Variants in PCDH11X observed in about 807,000 individuals in gnomAD.
PCDH11X encodes protocadherin-11 X-linked.
PCDH11X carries 18 observed loss-of-function variants against 53.3 expected under a neutral mutation model. That is an observed-to-expected ratio of 0.34 (90% confidence interval 0.23 to 0.50). PCDH11X has a LOEUF of 0.50. PCDH11X is among the 20% of genes least tolerant of loss of function. The pLI, the probability that PCDH11X is intolerant of heterozygous loss-of-function variation, is 0.98. For missense variants in PCDH11X, 570 were observed against 1,032.4 expected, an observed-to-expected ratio of 0.55 and a Z score of 6.14; for synonymous variants, 279 against 393.3, an observed-to-expected ratio of 0.71 and a Z score of 3.44.
At chrX:92,226,758 G>C (rs1432778914) in intron 7 of PCDH11X, among the ~76,000 whole-genome samples, 1 of 110,535 alleles carries the variant, frequency 9.0e-6, no homozygotes, top group Non-Finnish European at 1.9e-5. Context: ...GAGAACACCA[G>C]AGAGAGACAT....
chrX:91,886,322 G>C (rs1486149361), intron 6 of PCDH11X, among the ~76,000 whole-genome samples: 1 of 111,148 alleles, frequency 9.0e-6, no homozygotes, highest in African/African-American at 3.3e-5. Flanking sequence ...CTTAAAACTA[G>C]TAAATAAAAG....
chrX:92,281,364 C>G (rs2068248265), intron 8 of PCDH11X, among the ~76,000 whole-genome samples: 1 of 111,813 alleles, frequency 8.9e-6, no homozygotes, highest in African/African-American at 3.2e-5. Context: ...TCTATTTCTA[C>G]CTGACTTTAA....
chrX:92,328,394 CAGG>C (rs1268129041), intron 8 of PCDH11X, among the ~76,000 whole-genome samples: 2 of 109,613 alleles, frequency 1.8e-5, no homozygotes, highest in Non-Finnish European at 3.8e-5. Context: ...AGTGAGAAAC[CAGG>C]AGAAGAGCAA....
At position 91,861,647 on chromosome X, in the gene PCDH11X, G is replaced by A. The variant is rs181427115; in HGVS notation, c.541-15134G>A. Among the ~76,000 whole-genome samples, 15 of 111,735 alleles carry A rather than the reference G, an allele frequency of 1.3e-4. No homozygotes were observed. The East Asian group carries it at 4.2e-3, about 32-fold the overall frequency. On this transcript the variant is annotated intron_variant, in intron 5 of 10. Coordinates refer to ENST00000682573, the MANE Select transcript of PCDH11X (RefSeq NM_032968.5). Reference sequence around the variant, plus strand: ...GTCTCCAGCCTGCTACCTACCGCTGGGTCCAACCCAAACGGCTGCTGAGAT... The same window carrying A: ...GTCTCCAGCCTGCTACCTACCGCTGAGTCCAACCCAAACGGCTGCTGAGAT...
At chrX:92,373,891 C>T (rs2070682395) in intron 8 of PCDH11X, among the ~76,000 whole-genome samples, 1 of 111,321 alleles carries the variant, frequency 9.0e-6, no homozygotes, top group Non-Finnish European at 1.9e-5. Flanking sequence ...TACTTTCATT[C>T]ATCTAAATGA....
intron 10 of PCDH11X, among the ~76,000 whole-genome samples, chrX:92,473,505 C>T (rs1332162458): frequency 9.0e-6 from 1 of 110,764 alleles, no homozygotes; most frequent in East Asian, 2.8e-4. Flanking sequence ...TTTGTTTGCT[C>T]TTGCTTTTCC....
intron 4 of PCDH11X, among the ~76,000 whole-genome samples, chrX:91,824,523 C>A (rs1936830938): frequency 9.1e-6 from 1 of 110,473 alleles, no homozygotes; most frequent in African/African-American, 3.3e-5. Flanking sequence ...TTTTCAGCTC[C>A]ATCAGCTCCT....
chrX:91,957,540 G>A lies in PCDH11X; in HGVS notation c.3033+78267G>A, dbSNP rs894673892. Among the ~76,000 whole-genome samples, 56 of 105,031 alleles carry A rather than the reference G, an allele frequency of 5.3e-4. 1 individual carries two copies. Among genetic ancestry groups the A allele is most frequent in the Non-Finnish European group, 1.0e-3 (51 of 51,079 alleles). The allele number at this position is 105,031 out of a possible 115,157, so 91.2% of individuals were successfully genotyped here. ...CTGTATGGCTGCTGCAATTTGCTGG[G>A]GGTCTGCTTTAGACCCTAGTTGCCT... On this transcript the variant is annotated intron_variant, in intron 6 of 10. Transcript: ENST00000682573.
intron 6 of PCDH11X, among the ~76,000 whole-genome samples, chrX:92,179,695 A>G (rs976521230): frequency 2.7e-5 from 3 of 112,279 alleles, no homozygotes; most frequent in Non-Finnish European, 5.6e-5. Context: ...TTCCATGCTT[A>G]TATCATAGAG....
intron 7 of PCDH11X, among the ~76,000 whole-genome samples, chrX:92,213,710 T>C (rs1385919969): frequency 9.0e-6 from 1 of 111,606 alleles, no homozygotes; most frequent in Non-Finnish European, 1.9e-5. Context: ...GCACGACAGA[T>C]GGGAACCATT....
intron 8 of PCDH11X, among the ~76,000 whole-genome samples, chrX:92,350,649 A>G (rs1370496511): frequency 1.8e-5 from 2 of 111,419 alleles, no homozygotes; most frequent in African/African-American, 3.3e-5. Flanking sequence ...CAGGATGTCT[A>G]TGGATTCTCT....
intron 6 of PCDH11X, among the ~76,000 whole-genome samples, chrX:91,995,814 C>T (rs1602640871): frequency 9.1e-6 from 1 of 109,835 alleles, no homozygotes; most frequent in East Asian, 2.8e-4. Context: ...CCAATCTAAG[C>T]ACATGGGGTA....
At chrX:92,232,898 G>A (rs1270569227) in intron 7 of PCDH11X, among the ~76,000 whole-genome samples, 6 of 110,724 alleles carry the variant, frequency 5.4e-5, no homozygotes, top group Non-Finnish European at 1.1e-4. Context: ...TGTATTTTTA[G>A]TAGAGATGGG....
intron 8 of PCDH11X, among the ~76,000 whole-genome samples, chrX:92,274,316 A>G (rs1173873905): frequency 2.8e-5 from 3 of 107,865 alleles, no homozygotes; most frequent in Non-Finnish European, 5.7e-5. Flanking sequence ...TTGTAGACGG[A>G]GGACGGTAAG....
intron 10 of PCDH11X, among the ~76,000 whole-genome samples, chrX:92,544,919 C>A (rs1255217408): frequency 1.8e-5 from 2 of 111,398 alleles, no homozygotes; most frequent in Admixed American, 9.6e-5. Context: ...ATTGATATAT[C>A]CAGATTCAAG....
chrX:91,885,522 T>C (rs1417962098), intron 6 of PCDH11X, among the ~76,000 whole-genome samples: 2 of 108,699 alleles, frequency 1.8e-5, no homozygotes, highest in Non-Finnish European at 3.8e-5. Flanking sequence ...TCATGATCAT[T>C]TGTGTATGTA....
chrX:92,321,194 G>GTTTT (rs1413774808), intron 8 of PCDH11X, among the ~76,000 whole-genome samples: 1 of 76,989 alleles, frequency 1.3e-5, no homozygotes, highest in Admixed American at 2.0e-4. Flanking sequence ...GTTTTTTTTT[G>GTTTT]TTTTTTTTTT....
intron 6 of PCDH11X, among the ~76,000 whole-genome samples, chrX:92,122,916 G>A (rs2064797212): frequency 9.0e-6 from 1 of 110,905 alleles, no homozygotes; most frequent in Non-Finnish European, 1.9e-5. Context: ...CAGCCTGAGC[G>A]ACAGAGCGAC....
chrX:92,438,031 A>C (rs1179953540), intron 9 of PCDH11X, among the ~76,000 whole-genome samples: 2 of 111,764 alleles, frequency 1.8e-5, no homozygotes, highest in Non-Finnish European at 3.8e-5. Context: ...TTTGAACTTA[A>C]TCTGATAGGT....
Sources: gnomAD v4.1 joint callset for allele counts (sites outside exome capture counted in the v4.1 genomes callset) on GRCh38, gnomAD v4.1.1 for gene constraint, MANE v1.5 for transcripts, NCBI Gene and HGNC (gene_info 2026-07-23, HGNC 2026-07-21) for gene names.